The following GLRA1 variants were observed in gnomAD, a reference collection of about 807,000 sequenced individuals.
The protein encoded by GLRA1 is glycine receptor subunit alpha-1.
A neutral mutation model predicts 48.3 loss-of-function variants in GLRA1; 37 were observed. The ratio of observed to expected loss-of-function variants is 0.77; its 90% confidence interval spans 0.59 to 1.01. The LOEUF is 1.01. Among genes scored for constraint, GLRA1 ranks in the 50% least tolerant of loss-of-function variants. The probability of loss-of-function intolerance (pLI) is 0.00; values close to 1 mark genes in which losing one functional copy is unlikely to be tolerated. For synonymous variants in GLRA1, 196 were observed against 210.7 expected, an observed-to-expected ratio of 0.93 and a Z score of 0.60; for missense variants, 427 against 571.0, an observed-to-expected ratio of 0.75 and a Z score of 2.57.
chr5:151,902,593 C>T lies in GLRA1; in HGVS notation c.57-10155G>A, dbSNP rs79623867. Among the ~76,000 whole-genome samples the T allele has an allele frequency of 8.5e-3, 1,286 of 152,098 alleles. 16 individuals are homozygous for T. The highest frequency in any genetic ancestry group is 0.03 in the African/African-American group (1,235 of 41,490). ...TTAGGTACTTTTAGATGCTGATAAT[C>T]TCATTTTAGATAGCATTAGTTTATT... On this transcript the variant is annotated intron_variant, in intron 1 of 8. Transcript: ENST00000274576.
intron 1 of GLRA1, among the ~76,000 whole-genome samples, chr5:151,921,998 C>T (rs998498787): frequency 1.3e-5 from 2 of 152,142 alleles, no homozygotes; most frequent in African/African-American, 4.8e-5. Flanking sequence ...CTCATTCACT[C>T]GATTTTTGTT....
intron 7 of GLRA1, among the ~76,000 whole-genome samples, chr5:151,830,215 A>G (rs1181752509): frequency 6.6e-6 from 1 of 152,210 alleles, no homozygotes; most frequent in Non-Finnish European, 1.5e-5. Flanking sequence ...CCAGAGAGTT[A>G]TCATCATTTG....
chr5:151,923,511 T>G (rs980675856), intron 1 of GLRA1, among the ~76,000 whole-genome samples: 2 of 152,190 alleles, frequency 1.3e-5, no homozygotes, highest in African/African-American at 2.4e-5. Flanking sequence ...GGAAGAAGAA[T>G]AATGTTTTTC....
At chr5:151,864,111 T>A (rs1481463576) in intron 3 of GLRA1, among the ~76,000 whole-genome samples, 1 of 150,612 alleles carries the variant, frequency 6.6e-6, no homozygotes, top group African/African-American at 2.4e-5. Context: ...TCCTTCTCCT[T>A]CTCCCTTGGA....
intron 8 of GLRA1, among the ~76,000 whole-genome samples, chr5:151,823,981 A>G (rs534084423): frequency 5.9e-5 from 9 of 151,550 alleles, no homozygotes; most frequent in South Asian, 2.1e-4. Flanking sequence ...TGTTGATTCA[A>G]TGTTGGCATT....
chr5:151,901,956 A>C (rs1754377534), intron 1 of GLRA1, among the ~76,000 whole-genome samples: 1 of 152,196 alleles, frequency 6.6e-6, no homozygotes, highest in South Asian at 2.1e-4. Context: ...CCATGGTATT[A>C]ATCACTATAA....
intron 8 of GLRA1, among the ~76,000 whole-genome samples, chr5:151,824,570 TG>T (rs1252876319): frequency 6.6e-6 from 1 of 152,186 alleles, no homozygotes; most frequent in African/African-American, 2.4e-5. Context: ...TCTTGAACTC[TG>T]GGCCTTTGTG....
chr5:151,921,683 A>G (rs527490464), intron 1 of GLRA1, among the ~76,000 whole-genome samples: 2 of 152,292 alleles, frequency 1.3e-5, no homozygotes, highest in East Asian at 3.9e-4. Context: ...AGGACATTTG[A>G]AAGAAACGTG....
intron 1 of GLRA1, among the ~76,000 whole-genome samples, chr5:151,918,187 A>G (rs1272025509): frequency 6.6e-6 from 1 of 152,176 alleles, no homozygotes; most frequent in African/African-American, 2.4e-5. Flanking sequence ...CACTGTGTGG[A>G]TAAGCCCCTC....
At chr5:151,875,003 T>C (rs1242959348) in intron 3 of GLRA1, among the ~76,000 whole-genome samples, 2 of 152,120 alleles carry the variant, frequency 1.3e-5, no homozygotes, top group African/African-American at 2.4e-5. Flanking sequence ...CAATTTTAAC[T>C]AGGAGCTGAG....
At chr5:151,912,113 G>T (rs1302283787) in intron 1 of GLRA1, among the ~76,000 whole-genome samples, 4 of 152,224 alleles carry the variant, frequency 2.6e-5, no homozygotes, top group African/African-American at 7.2e-5. Flanking sequence ...ATTTTGGGCA[G>T]CATGGAGCAT....
intron 3 of GLRA1, among the ~76,000 whole-genome samples, chr5:151,876,195 C>A (rs1300205728): frequency 2.6e-5 from 4 of 152,196 alleles, no homozygotes; most frequent in South Asian, 2.1e-4. Flanking sequence ...TTCCCCTATA[C>A]CCCGTTGCTG....
chr5:151,893,572 A>G (rs1754155194), intron 1 of GLRA1, among the ~76,000 whole-genome samples: 1 of 151,782 alleles, frequency 6.6e-6, no homozygotes, highest in African/African-American at 2.4e-5. Context: ...ACATGTTCTT[A>G]TTGTTCAACT....
chr5:151,852,644 A>G (rs1230881745), intron 6 of GLRA1, among the ~76,000 whole-genome samples: 3 of 152,214 alleles, frequency 2.0e-5, no homozygotes, highest in Admixed American at 2.0e-4. Context: ...TCTTGCATCC[A>G]TAGGGTCTAG....
At chr5:151,848,795 GTCTCCTCTCCTCTCC>G (rs150481663) in intron 7 of GLRA1, 1 of 389,962 alleles carries the variant, frequency 2.6e-6, no homozygotes, top group Non-Finnish European at 4.9e-6. Context: ...CAGCACGGCG[GTCTCCTCTCCTCTCC>G]TCTCCTCTCC....
At chr5:151,870,938 G>C (rs1753465350) in intron 3 of GLRA1, among the ~76,000 whole-genome samples, 1 of 149,850 alleles carries the variant, frequency 6.7e-6, no homozygotes, top group South Asian at 2.1e-4. Context: ...TTGGCAGTTT[G>C]ATTTCCCCAC....
intron 3 of GLRA1, among the ~76,000 whole-genome samples, chr5:151,876,846 G>A (rs193125049): frequency 4.1e-4 from 63 of 152,274 alleles, no homozygotes; most frequent in Admixed American, 1.2e-3. Context: ...TCTTTAAGGA[G>A]GTGATAAAGG....
At chr5:151,922,533 GC>G (rs1362652963) in intron 1 of GLRA1, among the ~76,000 whole-genome samples, 1 of 152,188 alleles carries the variant, frequency 6.6e-6, no homozygotes, top group Non-Finnish European at 1.5e-5. Flanking sequence ...CACATTTCCA[GC>G]TCTCCACAGT....
At chr5:151,864,814 C>T (rs1284852497) in intron 3 of GLRA1, among the ~76,000 whole-genome samples, 2 of 152,060 alleles carry the variant, frequency 1.3e-5, no homozygotes, top group East Asian at 3.9e-4. Context: ...TTCACTGCAC[C>T]ATCTCACCTA....
Sources: gnomAD v4.1 joint callset for allele counts (sites outside exome capture counted in the v4.1 genomes callset) on GRCh38, gnomAD v4.1.1 for gene constraint, MANE v1.5 for transcripts, NCBI Gene and HGNC (gene_info 2026-07-23, HGNC 2026-07-21) for gene names.